Variants in LNP1 observed in about 807,000 individuals in gnomAD.
LNP1 encodes the protein leukemia NUP98 fusion partner 1.
A neutral mutation model predicts 14.5 loss-of-function variants in LNP1; 12 were observed. The observed-to-expected ratio is 0.83, with a 90% confidence interval of 0.53 to 1.34. The LOEUF is 1.34. Ranked by LOEUF, LNP1 falls within the 40% of genes most tolerant of loss-of-function variation. The pLI is 0.00. For missense variants in LNP1, 198 were observed against 210.9 expected (o/e 0.94, Z 0.38); for synonymous variants, 75 against 71.4 (o/e 1.05, Z -0.26).
At chr3:100,434,303 C>A (rs1199563032) in intron 2 of LNP1, among the ~76,000 whole-genome samples, 6 of 152,158 alleles carry the variant, frequency 3.9e-5, no homozygotes, top group Non-Finnish European at 8.8e-5. Flanking sequence ...ATTTTCCCAG[C>A]ACCATTTATT....
chr3:100,409,011 A>G (rs1299857214), intron 1 of LNP1, among the ~76,000 whole-genome samples: 1 of 152,022 alleles, frequency 6.6e-6, no homozygotes, highest in African/African-American at 2.4e-5. Flanking sequence ...GTCCTATTCC[A>G]CCATCTTGCT....
In LNP1 at chr3:100,417,371, CTTTTTTTTTTTTTT is replaced by C. The variant is rs562000656; in HGVS notation, c.-33-12317_-33-12304del. 6.3e-4 allele frequency among the ~76,000 whole-genome samples: 41 copies of C among 64,628 alleles called. 1 individual carries two copies. Among genetic ancestry groups the C allele is most frequent in the Admixed American group, 2.8e-3 (11 of 3,946 alleles). 42.4% of individuals were successfully genotyped at this position (64,628 alleles called of 152,430 possible). ...CTTTTTCTTTCTTTCTTTCTTTTTTCTTTTTTTTTTTTTTTTTTTTTTCGAGACAGGATCTCACT... is the reference window on the plus strand; with the variant it reads ...CTTTTTCTTTCTTTCTTTCTTTTTTCTTTTTTTTCGAGACAGGATCTCACT... On this transcript the variant is annotated intron_variant, in intron 1 of 3. Transcript: ENST00000383693.
At chr3:100,407,477 G>A (rs73150348) in intron 1 of LNP1, among the ~76,000 whole-genome samples, 27,136 of 152,056 alleles carry the variant, frequency 0.18, 2,842 homozygotes, top group Non-Finnish European at 0.24. Context: ...TGGAACTGCC[G>A]TATATGTTAC....
At chr3:100,409,735 C>A (rs932517443) in intron 1 of LNP1, among the ~76,000 whole-genome samples, 1 of 150,924 alleles carries the variant, frequency 6.6e-6, no homozygotes, top group East Asian at 2.0e-4. Flanking sequence ...TCTGGGATTG[C>A]AGGTACCCAC....
At chr3:100,455,586 C>T (rs1029024453) in intron 3 of LNP1, among the ~76,000 whole-genome samples, 191 bp from the exon 4 acceptor site, 1 of 152,196 alleles carries the variant, frequency 6.6e-6, no homozygotes, top group East Asian at 1.9e-4. Flanking sequence ...ATGTCCAACC[C>T]CCTCTATTCT....
intron 1 of LNP1, among the ~76,000 whole-genome samples, chr3:100,404,508 A>G (rs944278222): frequency 2.6e-5 from 4 of 152,218 alleles, no homozygotes; most frequent in Admixed American, 2.6e-4. Context: ...TGACTACCAT[A>G]TTGGACAGCA....
chr3:100,410,475 T>C (rs1707021939), intron 1 of LNP1, among the ~76,000 whole-genome samples: 1 of 152,090 alleles, frequency 6.6e-6, no homozygotes, highest in South Asian at 2.1e-4. Context: ...AGTGATGAAA[T>C]TGGATACATA....
intron 1 of LNP1, among the ~76,000 whole-genome samples, chr3:100,406,059 G>T (rs993360524): frequency 1.3e-5 from 2 of 152,202 alleles, no homozygotes; most frequent in Non-Finnish European, 2.9e-5. Context: ...GCCGAAGCGG[G>T]TGGATCACCT....
chr3:100,401,585 C>G lies in LNP1; in HGVS notation c.-888C>G, dbSNP rs1428996417. ...TTGGCACCTCTTGAACCTCTGTGGC[C>G]GTTAGCACGGTTTTCTGCCCGCGTG... On this transcript the variant is annotated 5_prime_UTR_variant, in exon 1 of 4. Coordinates refer to ENST00000383693, the MANE Select transcript of LNP1 (RefSeq NM_001085451.2). 1 of 152,416 alleles carries G rather than the reference C, an allele frequency of 6.6e-6. No homozygotes were observed. Among genetic ancestry groups the G allele is most frequent in the Non-Finnish European group, 1.5e-5 (1 of 68,168 alleles). The allele number at this position is 152,416 out of a possible 1,614,324, so 9.4% of individuals were successfully genotyped here.
intron 1 of LNP1, among the ~76,000 whole-genome samples, chr3:100,423,514 A>G (rs1707164977): frequency 6.6e-6 from 1 of 152,010 alleles, no homozygotes; most frequent in South Asian, 2.1e-4. Flanking sequence ...TAAAGGGAAA[A>G]TCATTTTCTC....
chr3:100,409,914 A>G (rs1307954867), intron 1 of LNP1, among the ~76,000 whole-genome samples: 1 of 151,796 alleles, frequency 6.6e-6, no homozygotes, highest in Non-Finnish European at 1.5e-5. Flanking sequence ...ATTTGTATAT[A>G]TTTAATTAAA....
intron 1 of LNP1, among the ~76,000 whole-genome samples, chr3:100,403,299 T>G (rs1394921492): frequency 6.6e-6 from 1 of 152,258 alleles, no homozygotes; most frequent in Non-Finnish European, 1.5e-5. Flanking sequence ...AGTAAAATAC[T>G]GCCTTTCATT....
At chr3:100,429,100 A>T (rs1326022995) in intron 1 of LNP1, among the ~76,000 whole-genome samples, 2 of 152,236 alleles carry the variant, frequency 1.3e-5, no homozygotes, top group Admixed American at 6.5e-5. Flanking sequence ...TTTTACACGT[A>T]CTTGTATATT....
At chr3:100,414,312 C>T (rs1273740130) in intron 1 of LNP1, among the ~76,000 whole-genome samples, 2 of 151,960 alleles carry the variant, frequency 1.3e-5, no homozygotes, top group Non-Finnish European at 2.9e-5. Flanking sequence ...TTTGGGAGGC[C>T]GAGGTGGGTG....
At chr3:100,451,612 C>G in intron 2 of LNP1, 107 bp from the exon 3 acceptor site, 1 of 625,210 alleles carries the variant, frequency 1.6e-6, no homozygotes. Flanking sequence ...GATAATATAT[C>G]AATTCAACAT....
In LNP1 at chr3:100,417,371, C is replaced by CTTTTTTTTTTTTTTTTTTT. The variant is rs562000656; in HGVS notation, c.-33-12322_-33-12304dup. Among the ~76,000 whole-genome samples, 114 of 64,628 alleles carry CTTTTTTTTTTTTTTTTTTT rather than the reference C, an allele frequency of 1.8e-3. 1 individual carries two copies. Among genetic ancestry groups the CTTTTTTTTTTTTTTTTTTT allele is most frequent in the Non-Finnish European group, 2.5e-3 (87 of 35,192 alleles). The allele number at this position is 64,628 out of a possible 152,430, so 42.4% of individuals were successfully genotyped here. A position where few individuals can be genotyped will look rare whatever the true frequency, so the allele number is the denominator to read the frequency against. On this transcript the variant is annotated intron_variant, in intron 1 of 3. Coordinates refer to ENST00000383693, the MANE Select transcript of LNP1 (RefSeq NM_001085451.2). ...CTTTTTCTTTCTTTCTTTCTTTTTT[C>CTTTTTTTTTTTTTTTTTTT]TTTTTTTTTTTTTTTTTTTTTTCGA... is the stretch of plus-strand genomic sequence containing the variant.
chr3:100,419,448 A>G (rs1452672182), intron 1 of LNP1, among the ~76,000 whole-genome samples: 1 of 152,178 alleles, frequency 6.6e-6, no homozygotes, highest in African/African-American at 2.4e-5. Context: ...ACATTGGTAT[A>G]ATCCATATAA....
intron 2 of LNP1, among the ~76,000 whole-genome samples, chr3:100,448,750 ATTAG>A (rs1011519819): frequency 5.3e-5 from 8 of 152,264 alleles, no homozygotes; most frequent in Admixed American, 1.3e-4. Context: ...CTTTAAACCA[ATTAG>A]TTAGAGCTCT....
At chr3:100,447,368 A>G (rs147510222) in intron 2 of LNP1, among the ~76,000 whole-genome samples, 3,730 of 152,188 alleles carry the variant, frequency 0.025, 70 homozygotes, top group Admixed American at 0.035. Flanking sequence ...CAAACACCGC[A>G]TGTTCTCACT....
Sources: allele counts gnomAD v4.1 joint callset (sites outside exome capture counted in the v4.1 genomes callset), GRCh38; gene constraint gnomAD v4.1.1; transcripts MANE v1.5; gene names NCBI Gene and HGNC (gene_info 2026-07-23, HGNC 2026-07-21).